The following NR2F1-AS1 variants were observed in gnomAD, a reference collection of about 807,000 sequenced individuals.
The protein encoded by NR2F1-AS1 is NR2F1 regulatory antisense RNA 1, also known as NR2F1 antisense RNA 1.
intron 4 of NR2F1-AS1, among the ~76,000 whole-genome samples, chr5:93,482,332 C>A (rs760735066): frequency 3.9e-5 from 6 of 152,102 alleles, no homozygotes; most frequent in Non-Finnish European, 7.4e-5. Flanking sequence ...TCACCTCACC[C>A]AGGAAGTGCA....
chr5:93,541,105 GA>G (rs1056027835), intron 4 of NR2F1-AS1, among the ~76,000 whole-genome samples: 3 of 152,084 alleles, frequency 2.0e-5, no homozygotes, highest in African/African-American at 7.2e-5. Context: ...AGTTAATTTT[GA>G]CTGAGGTAAG....
At chr5:93,539,968 A>G (rs1461154115) in intron 4 of NR2F1-AS1, among the ~76,000 whole-genome samples, 1 of 152,236 alleles carries the variant, frequency 6.6e-6, no homozygotes, top group African/African-American at 2.4e-5. Context: ...ATACTAAGAC[A>G]ACCTATGTGA....
chr5:93,429,484 A>G (rs2149846048), intron 4 of NR2F1-AS1, among the ~76,000 whole-genome samples: 1 of 152,322 alleles, frequency 6.6e-6, no homozygotes, highest in Admixed American at 6.5e-5. Context: ...AAGTCACAGA[A>G]GTGCTCTTCT....
At chr5:93,463,590 C>T (rs1186421071) in intron 4 of NR2F1-AS1, among the ~76,000 whole-genome samples, 1 of 152,174 alleles carries the variant, frequency 6.6e-6, no homozygotes, top group East Asian at 1.9e-4. Flanking sequence ...GGAAAAGCTA[C>T]AGACACTGAA....
chr5:93,538,101 G>T (rs1266897441), intron 4 of NR2F1-AS1, among the ~76,000 whole-genome samples: 2 of 152,114 alleles, frequency 1.3e-5, no homozygotes, highest in African/African-American at 4.8e-5. Flanking sequence ...TGCAGGGATG[G>T]ACTCCAGCCA....
intron 4 of NR2F1-AS1, among the ~76,000 whole-genome samples, chr5:93,425,980 T>A (rs561686108): frequency 6.6e-6 from 1 of 152,128 alleles, no homozygotes; most frequent in Non-Finnish European, 1.5e-5. Context: ...TAAAAAAGAT[T>A]TAAGGTACAA....
chr5:93,507,647 C>T (rs1751214645), intron 4 of NR2F1-AS1, among the ~76,000 whole-genome samples: 1 of 152,078 alleles, frequency 6.6e-6, no homozygotes, highest in African/African-American at 2.4e-5. Flanking sequence ...CATGAAACAC[C>T]ATGCCCAGCC....
Position 93,483,152 on chromosome 5 carries a change from G to A in NR2F1-AS1, n.638+70609C>T, listed in dbSNP as rs150416677. 2.3e-3 allele frequency among the ~76,000 whole-genome samples: 347 copies of A among 152,260 alleles called. 8 individuals carry two copies. In the East Asian group the frequency reaches 0.046, roughly 20 times the overall value. On this transcript the variant is annotated intron_variant and non_coding_transcript_variant, in intron 4 of 5. Coordinates refer to ENST00000660523, the Ensembl canonical transcript of NR2F1-AS1. Reference sequence around the variant, plus strand: ...TCCCTGACCCCCATGCCTCCTGACTGGGAGATATCTCCCAGCAAGGGTCGA... The same window carrying A: ...TCCCTGACCCCCATGCCTCCTGACTAGGAGATATCTCCCAGCAAGGGTCGA...
chr5:93,530,809 A>T lies in NR2F1-AS1; in HGVS notation n.638+22952T>A, dbSNP rs143643299. ...TGGAGCTGGAAGAAACCTTTTAAAG[A>T]CTGGGTTATATCCTTCATTTACTAT... On this transcript the variant is annotated intron_variant and non_coding_transcript_variant, in intron 4 of 5. Coordinates refer to ENST00000660523, the Ensembl canonical transcript of NR2F1-AS1. 2.6e-4 allele frequency among the ~76,000 whole-genome samples: 39 copies of T among 152,296 alleles called. No homozygotes were observed. In the East Asian group the frequency reaches 7.5e-3, roughly 29 times the overall value.
intron 4 of NR2F1-AS1, among the ~76,000 whole-genome samples, chr5:93,434,023 T>A (rs886599505): frequency 6.6e-6 from 1 of 152,204 alleles, no homozygotes; most frequent in African/African-American, 2.4e-5. Flanking sequence ...TTTTCCCATA[T>A]GCTCTTTTTT....
chr5:93,473,604 C>A (rs946570156), intron 4 of NR2F1-AS1, among the ~76,000 whole-genome samples: 2 of 150,632 alleles, frequency 1.3e-5, no homozygotes, highest in African/African-American at 4.9e-5. Context: ...TTTTAATATA[C>A]CCTTAAATAT....
chr5:93,437,425 G>A (rs1749460160), intron 4 of NR2F1-AS1, among the ~76,000 whole-genome samples: 2 of 152,024 alleles, frequency 1.3e-5, no homozygotes, highest in South Asian at 4.1e-4. Context: ...GTTTTTTAAT[G>A]TGGCTACTAG....
intron 4 of NR2F1-AS1, among the ~76,000 whole-genome samples, chr5:93,537,052 T>TA (rs1289168034): frequency 2.0e-5 from 3 of 152,208 alleles, no homozygotes; most frequent in African/African-American, 7.2e-5. Flanking sequence ...TGTGGAACTG[T>TA]AAGTCCAATA....
At chr5:93,504,203 G>A (rs1163133563) in intron 4 of NR2F1-AS1, among the ~76,000 whole-genome samples, 1 of 152,090 alleles carries the variant, frequency 6.6e-6, no homozygotes, top group Non-Finnish European at 1.5e-5. Flanking sequence ...TAAATAAATT[G>A]CAGATCATTG....
chr5:93,581,263 C>T (rs1863932), upstream of NR2F1-AS1: 6,392 of 152,544 alleles, frequency 0.042, 322 homozygotes, highest in Admixed American at 0.15. Context: ...CGGGCGAGCG[C>T]GGCTCCCACC....
intron 4 of NR2F1-AS1, among the ~76,000 whole-genome samples, chr5:93,532,955 C>A (rs968682414): frequency 1.2e-4 from 19 of 152,188 alleles, no homozygotes; most frequent in African/African-American, 4.1e-4. Context: ...ACAAGTTAAT[C>A]TCAACTATTA....
At chr5:93,533,416 ACT>A (rs1481286594) in intron 4 of NR2F1-AS1, among the ~76,000 whole-genome samples, 4 of 152,118 alleles carry the variant, frequency 2.6e-5, no homozygotes, top group Non-Finnish European at 5.9e-5. Context: ...AGGAATATCT[ACT>A]CTCTGAAATA....
At chr5:93,453,032 A>G (rs1314324320) in intron 4 of NR2F1-AS1, among the ~76,000 whole-genome samples, 1 of 152,210 alleles carries the variant, frequency 6.6e-6, no homozygotes, top group African/African-American at 2.4e-5. Context: ...TGACAAGAGA[A>G]GTAGAACTGG....
intron 4 of NR2F1-AS1, among the ~76,000 whole-genome samples, chr5:93,538,438 G>T (rs1751882888): frequency 6.6e-6 from 1 of 152,126 alleles, no homozygotes; most frequent in African/African-American, 2.4e-5. Context: ...CTGCGCCACT[G>T]CACTCCAACC....
Sources: gnomAD v4.1 joint callset for allele counts (sites outside exome capture counted in the v4.1 genomes callset) on GRCh38, gnomAD v4.1.1 for gene constraint, MANE v1.5 for transcripts, NCBI Gene and HGNC (gene_info 2026-07-23, HGNC 2026-07-21) for gene names.